The following TNFAIP2 variants were observed in gnomAD, a reference collection of about 807,000 sequenced individuals.
The protein encoded by TNFAIP2 is TNF alpha induced protein 2.
In TNFAIP2, 47 loss-of-function variants were observed where a neutral mutation model predicts 63.5. That is an observed-to-expected ratio of 0.74 (90% CI 0.59 to 0.94). The LOEUF (loss-of-function observed/expected upper bound fraction) is 0.94, where lower values mean the gene tolerates loss of function less well. Among genes scored for constraint, TNFAIP2 ranks in the 40% least tolerant of loss-of-function variants. The pLI, the probability that TNFAIP2 is intolerant of heterozygous loss-of-function variation, is 0.00. For missense variants in TNFAIP2, 787 were observed against 850.2 expected, an observed-to-expected ratio of 0.93 and a Z score of 0.92; for synonymous variants, 405 against 390.2, an observed-to-expected ratio of 1.04 and a Z score of -0.45.
chr14:103,128,542 T>G (rs1234605003), intron 3 of TNFAIP2, among the ~76,000 whole-genome samples: 1 of 151,912 alleles, frequency 6.6e-6, no homozygotes, highest in Non-Finnish European at 1.5e-5. Context: ...CAGATCCTAG[T>G]GTGAAACTTT....
rs765517148 is a variant in TNFAIP2, at chr14:103,135,581, G to A, written c.*221G>A. 1.4e-4 allele frequency: 191 copies of A among 1,414,736 alleles called. 1 individual carries two copies. Among genetic ancestry groups the A allele is most frequent in the Non-Finnish European group, 1.7e-4 (184 of 1,086,970 alleles). 87.6% of individuals were successfully genotyped at this position (1,414,736 alleles called of 1,614,324 possible). A position where few individuals can be genotyped will look rare whatever the true frequency, so the allele number is the denominator to read the frequency against. ...ATGGGGGCAGGAGCTCCCATCCTGG[G>A]CAGCCAACCAGGCAACACCAAGGAC... On this transcript the variant is annotated 3_prime_UTR_variant, in exon 12 of 12. Transcript: ENST00000560869. The surrounding 1 kb of genome is among the most constrained non-coding windows in gnomAD (Gnocchi z 7.6).
chr14:103,123,266 G>A (rs1166750554), upstream of TNFAIP2, among the ~76,000 whole-genome samples: 1 of 151,886 alleles, frequency 6.6e-6, no homozygotes, highest in Non-Finnish European at 1.5e-5. Flanking sequence ...GGGAGGAAGT[G>A]ACAGCGCCCC....
chr14:103,130,289 T>C (rs769494477), intron 5 of TNFAIP2, 26 bp from the exon 6 acceptor site: 2 of 1,544,032 alleles, frequency 1.3e-6, no homozygotes, highest in South Asian at 2.4e-5. Context: ...GAGCCCCTGC[T>C]CAGCTCACCC....
chr14:103,131,539 T>C lies in TNFAIP2; in HGVS notation c.1299-100T>C. Reference sequence around the variant, plus strand: ...TGATCCCATAGAGAATGGGGAGCCATTGAGGGTTCTAGAGTGAAGAGAGGG... The same window carrying C: ...TGATCCCATAGAGAATGGGGAGCCACTGAGGGTTCTAGAGTGAAGAGAGGG... On this transcript the variant is annotated intron_variant, in intron 7 of 11. Transcript: ENST00000560869. This position sits in a 1 kb window ranked among gnomAD's most constrained non-coding sequence, Gnocchi z 4.0. 1 of 1,427,294 alleles carries C rather than the reference T, an allele frequency of 7.0e-7. No individual in the cohort carries two copies. Among genetic ancestry groups the C allele is most frequent in the Non-Finnish European group, 9.3e-7 (1 of 1,080,662 alleles). The allele number at this position is 1,427,294 out of a possible 1,614,324, so 88.4% of individuals were successfully genotyped here.
chr14:103,133,230 G>A (rs933325301), intron 9 of TNFAIP2, 132 bp from the exon 10 acceptor site: 11 of 1,163,056 alleles, frequency 9.5e-6, no homozygotes, highest in African/African-American at 4.6e-5. Context: ...ACATGTGGAC[G>A]CACGAGCACG....
intron 8 of TNFAIP2, 181 bp from the exon 9 acceptor site, chr14:103,132,569 C>T: frequency 1.1e-6 from 1 of 878,014 alleles, no homozygotes; most frequent in Non-Finnish European, 1.8e-6. Context: ...CCGGCTCCCA[C>T]TTCCTGTCTG....
intron 3 of TNFAIP2, among the ~76,000 whole-genome samples, chr14:103,128,157 G>A (rs772644625): frequency 1.9e-4 from 29 of 152,182 alleles, no homozygotes; most frequent in Non-Finnish European, 3.7e-4. Context: ...GGCAGGTAGG[G>A]GAGAAGGTGA....
rs2087897366 is a variant in TNFAIP2, at chr14:103,127,963, G to A, written c.860+334G>A. Among the ~76,000 whole-genome samples the A allele has an allele frequency of 6.6e-6, 1 of 152,184 alleles. No individual in the cohort carries two copies. The highest frequency in any genetic ancestry group is 2.1e-4 in the South Asian group (1 of 4,828). On this transcript the variant is annotated intron_variant, in intron 3 of 11. Transcript: ENST00000560869. The surrounding 1 kb of genome is among the most constrained non-coding windows in gnomAD (Gnocchi z 5.1). ...TTCACGAGCGCCCAGTCTGAGGAGG[G>A]GGCAAAGCAATCAATAACCATCCAG...
chr14:103,122,899 G>C, upstream of TNFAIP2: 2 of 451,008 alleles, frequency 4.4e-6, no homozygotes, highest in Non-Finnish European at 8.9e-6. Flanking sequence ...CTTGACGACC[G>C]GAGGGGCTCA....
rs891090273 is a variant in TNFAIP2, at chr14:103,130,124, G to T, written c.1098G>T (p.Gln366His). The stretch of plus-strand genomic sequence containing the variant: ...GCGAGCTGGCCATCGACATCATCCA[G>T]GTACTGCAATCTGCCCCAGGGCACA... ...CHSELAIDII[Q>H]ITSQAQAKAE... The change falls in exon 5 of 12, where the codon CAG (glutamine) becomes CAT (histidine). Residue 366 changes from glutamine (Q) to histidine (H), a missense_variant and splice_region_variant. Gln to His is a conservative substitution (Grantham distance 24). This residue lies in a region of TNFAIP2 where 523 missense variants were observed against 604.1 expected (regional missense o/e 0.87). Transcript: ENST00000560869. 4 of 1,612,446 alleles carry T rather than the reference G, an allele frequency of 2.5e-6. No individual in the cohort carries two copies. Among genetic ancestry groups the T allele is most frequent in the Non-Finnish European group, 2.5e-6 (3 of 1,179,254 alleles).
Position 103,135,580 on chromosome 14 carries a change from G to A in TNFAIP2, c.*220G>A. The A allele has an allele frequency of 4.2e-6, 6 of 1,416,032 alleles. No individual in the cohort carries two copies. Among genetic ancestry groups the A allele is most frequent in the Non-Finnish European group, 5.5e-6 (6 of 1,087,784 alleles). The allele number at this position is 1,416,032 out of a possible 1,614,324, so 87.7% of individuals were successfully genotyped here. Reference sequence around the variant, plus strand: ...GATGGGGGCAGGAGCTCCCATCCTGGGCAGCCAACCAGGCAACACCAAGGA... The same window carrying A: ...GATGGGGGCAGGAGCTCCCATCCTGAGCAGCCAACCAGGCAACACCAAGGA... On this transcript the variant is annotated 3_prime_UTR_variant, in exon 12 of 12. Coordinates refer to ENST00000560869, the MANE Select transcript of TNFAIP2 (RefSeq NM_006291.4). This position sits in a 1 kb window ranked among gnomAD's most constrained non-coding sequence, Gnocchi z 7.6.
intron 9 of TNFAIP2, among the ~76,000 whole-genome samples, 196 bp downstream of exon 9, chr14:103,133,068 G>A (rs2088014335): frequency 1.3e-5 from 2 of 152,172 alleles, no homozygotes; most frequent in African/African-American, 2.4e-5. Flanking sequence ...ACGAGCATGT[G>A]AACACACACA....
chr14:103,129,839 C>T lies in TNFAIP2; in HGVS notation c.960C>T (p.Phe320=). 2.5e-6 allele frequency: 4 copies of T among 1,613,946 alleles called. No individual in the cohort carries two copies. The highest frequency in any genetic ancestry group is 3.4e-6 in the Non-Finnish European group (4 of 1,179,920). The change falls in exon 4 of 12, where the codon TTC becomes TTT. Residue 320 remains phenylalanine (F), a synonymous_variant. Transcript: ENST00000560869. ...PRQIRLLEAT[F]LSSEAANVRE... is the part of the protein sequence containing the mutation. ...AGATCCGACTGCTGGAGGCCACATTCCTGTCCAGTGAGGCGGTGAGTCTCC... is the reference window on the plus strand; with the variant it reads ...AGATCCGACTGCTGGAGGCCACATTTCTGTCCAGTGAGGCGGTGAGTCTCC...
rs1368964932 is a variant in TNFAIP2 at position 103,123,888 on chromosome 14, A to C, written c.-212A>C. On this transcript the variant is annotated 5_prime_UTR_variant, in exon 1 of 12. Coordinates refer to ENST00000560869, the MANE Select transcript of TNFAIP2 (RefSeq NM_006291.4). The stretch of plus-strand genomic sequence containing the variant: ...TCCACATCCTGCCCAGGACTGAAGG[A>C]GCCGGGCCCAGCGAGCTCCCGGGAG... The C allele has an allele frequency of 6.6e-6, 1 of 152,298 alleles. No homozygotes were observed. The highest frequency in any genetic ancestry group is 2.4e-5 in the African/African-American group (1 of 41,428). 9.4% of individuals were successfully genotyped at this position (152,298 alleles called of 1,614,324 possible). A position where few individuals can be genotyped will look rare whatever the true frequency, so the allele number is the denominator to read the frequency against.
Position 103,131,860 on chromosome 14 carries a change from T to C in TNFAIP2, c.1422+98T>C. On this transcript the variant is annotated intron_variant, in intron 8 of 11. Coordinates refer to ENST00000560869, the MANE Select transcript of TNFAIP2 (RefSeq NM_006291.4). The surrounding 1 kb of genome is among the most constrained non-coding windows in gnomAD (Gnocchi z 4.0). The stretch of plus-strand genomic sequence containing the variant: ...GGGAGGAGTGGCAGAAGCAAAGATG[T>C]GGGGAAGACACGCTCCAGGCCTGTG... 6.7e-7 allele frequency: 1 copy of C among 1,485,670 alleles called. No individual in the cohort carries two copies. Among genetic ancestry groups the C allele is most frequent in the Non-Finnish European group, 9.0e-7 (1 of 1,110,904 alleles). 92.0% of individuals were successfully genotyped at this position (1,485,670 alleles called of 1,614,324 possible). A position where few individuals can be genotyped will look rare whatever the true frequency, so the allele number is the denominator to read the frequency against.
At position 103,127,527 on chromosome 14, in the gene TNFAIP2, A is replaced by G. The variant is rs746836296; in HGVS notation, c.758A>G (p.Tyr253Cys). 6.3e-7 allele frequency: 1 copy of G among 1,589,158 alleles called. No homozygotes were observed. Among genetic ancestry groups the G allele is most frequent in the East Asian group, 2.3e-5 (1 of 44,372 alleles). Residue 253 changes from tyrosine (Y) to cysteine (C), a missense_variant, in exon 3 of 12, where the codon TAC becomes TGC. This residue lies in a region of TNFAIP2 where 523 missense variants were observed against 604.1 expected (regional missense o/e 0.87). Transcript: ENST00000560869. This position sits in a 1 kb window ranked among gnomAD's most constrained non-coding sequence, Gnocchi z 5.1. ...FGVVAAYAES[Y>C]HQHFAAHLAA... ...GTCGTGGCGGCCTACGCCGAGAGCT[A>G]CCACCAGCACTTCGCGGCCCACCTG...
In TNFAIP2 at chr14:103,127,028, G is replaced by C. The variant is rs2087869309; in HGVS notation, c.259G>C (p.Glu87Gln). ...AGTGGAGGAGCTGAAGGCGGCGCTG[G>C]AGCGCGGGCAGCTGGAGGCGGCGCG... The part of the protein sequence containing the change: ...PTVEELKAAL[E>Q]RGQLEAARPL... Residue 87 changes from glutamate (E) to glutamine (Q), a missense_variant, in exon 3 of 12, where the codon GAG becomes CAG. By Grantham distance (29) the Glu-to-Gln change is conservative. Transcript: ENST00000560869. The surrounding 1 kb of genome is among the most constrained non-coding windows in gnomAD (Gnocchi z 5.1). 4 of 1,175,478 alleles carry C rather than the reference G, an allele frequency of 3.4e-6. No individual in the cohort carries two copies. Among genetic ancestry groups the C allele is most frequent in the Non-Finnish European group, 4.2e-6 (4 of 949,766 alleles). The allele number at this position is 1,175,478 out of a possible 1,614,324, so 72.8% of individuals were successfully genotyped here. A position where few individuals can be genotyped will look rare whatever the true frequency, so the allele number is the denominator to read the frequency against.
At chr14:103,133,983 C>T (rs1243857052) in intron 11 of TNFAIP2, among the ~76,000 whole-genome samples, 180 bp downstream of exon 11, 2 of 152,334 alleles carry the variant, frequency 1.3e-5, no homozygotes, top group South Asian at 2.1e-4. Flanking sequence ...TTCCCATTCC[C>T]GTTTCACAGA....
chr14:103,133,242 G>A, intron 9 of TNFAIP2, 120 bp from the exon 10 acceptor site: 1 of 1,283,546 alleles, frequency 7.8e-7, no homozygotes, highest in Non-Finnish European at 1.1e-6. Context: ...ACGAGCACGT[G>A]TGCAGTCTTT....
Sources: gnomAD v4.1 joint callset for allele counts (sites outside exome capture counted in the v4.1 genomes callset) on GRCh38, gnomAD v4.1.1 for gene constraint, gnomAD v4.1.1 regional missense constraint, Gnocchi (gnomAD v3.1) non-coding constraint, MANE v1.5 for transcripts, NCBI Gene and HGNC (gene_info 2026-07-23, HGNC 2026-07-21) for gene names.